ROCK1: variants seen among roughly 807,000 people sequenced by gnomAD.
The protein encoded by ROCK1 is Rho associated coiled-coil containing protein kinase 1, also known as rho-associated protein kinase 1.
Under a neutral mutation model 196.8 loss-of-function variants are expected in ROCK1, and 36 were observed. The observed-to-expected ratio is 0.18, with a 90% confidence interval of 0.14 to 0.24. ROCK1 has a LOEUF of 0.24. ROCK1 is among the 10% of genes least tolerant of loss of function. The pLI, the probability that ROCK1 is intolerant of heterozygous loss-of-function variation, is 1.00. For missense variants in ROCK1, 920 were observed against 1,562.0 expected, an observed-to-expected ratio of 0.59 and a Z score of 6.93; for synonymous variants, 443 against 515.9, an observed-to-expected ratio of 0.86 and a Z score of 1.91.
At chr18:21,013,904 A>AT (rs1337297854) in intron 13 of ROCK1, among the ~76,000 whole-genome samples, 3 of 151,996 alleles carry the variant, frequency 2.0e-5, no homozygotes, top group South Asian at 2.1e-4. Context: ...TACTAAAAAA[A>AT]ATATATAAAA....
Position 21,009,334 on chromosome 18 carries a change from TAACTC to T in ROCK1, c.1411-1145_1411-1141del, listed in dbSNP as rs566471741. Among the ~76,000 whole-genome samples the T allele has an allele frequency of 3.7e-3, 565 of 151,668 alleles. 1 individual carries two copies. Among genetic ancestry groups the T allele is most frequent in the Non-Finnish European group, 6.4e-3 (435 of 67,866 alleles). On this transcript the variant is annotated intron_variant, in intron 13 of 32. Transcript: ENST00000399799. Reference sequence around the variant, plus strand: ...GGCCAAGACAGGTTTTTTTTTTTTTTAACTCAACATAAAGACCTTAAAATCCATCT... The same window carrying T: ...GGCCAAGACAGGTTTTTTTTTTTTTTAACATAAAGACCTTAAAATCCATCT...
rs71269004 is a variant in ROCK1 at position 21,033,854 on chromosome 18, T to TAAAAAAAAAAA, written c.1052-4930_1052-4920dup. On this transcript the variant is annotated intron_variant, in intron 9 of 32. Transcript: ENST00000399799. ...TAACTCAGTGAAACCCCGTTTCTAC[T>TAAAAAAAAAAA]AAAAAAAAAAAAAAAAAAAAAAAAA... Among the ~76,000 whole-genome samples the TAAAAAAAAAAA allele has an allele frequency of 1.2e-3, 39 of 33,460 alleles. 4 individuals carry two copies. Among genetic ancestry groups the TAAAAAAAAAAA allele is most frequent in the Admixed American group, 1.8e-3 (3 of 1,656 alleles). 22.0% of individuals were successfully genotyped at this position (33,460 alleles called of 152,430 possible).
intron 1 of ROCK1, among the ~76,000 whole-genome samples, chr18:21,107,912 G>A (rs2036717096): frequency 6.6e-6 from 1 of 152,068 alleles, no homozygotes; most frequent in Non-Finnish European, 1.5e-5. Context: ...AAATTAGCCA[G>A]GCGTGGTAGT....
At chr18:20,997,073 A>G (rs1249302348) in intron 16 of ROCK1, among the ~76,000 whole-genome samples, 17 of 152,228 alleles carry the variant, frequency 1.1e-4, no homozygotes, top group Admixed American at 1.1e-3. Flanking sequence ...AAAAAATAAC[A>G]AAATGGCAGG....
intron 1 of ROCK1, among the ~76,000 whole-genome samples, chr18:21,101,840 A>G (rs2036661655): frequency 6.6e-6 from 1 of 152,056 alleles, no homozygotes; most frequent in Non-Finnish European, 1.5e-5. Flanking sequence ...GCTAGGCATG[A>G]TAATGGCCAT....
chr18:21,104,490 A>G (rs1204912277), intron 1 of ROCK1, among the ~76,000 whole-genome samples: 18 of 152,114 alleles, frequency 1.2e-4, no homozygotes, highest in Non-Finnish European at 1.8e-4. Context: ...CCAGCTACTC[A>G]GGAGGCTGAG....
rs1178629863 is a variant in ROCK1, at chr18:20,950,569, AAGAAATACATTATACAATTAT to A, written c.*794_*814del. 6.6e-6 allele frequency: 1 copy of A among 151,838 alleles called. No individual in the cohort carries two copies. The highest frequency in any genetic ancestry group is 2.4e-5 in the African/African-American group (1 of 41,214). 9.4% of individuals were successfully genotyped at this position (151,838 alleles called of 1,614,324 possible). A position where few individuals can be genotyped will look rare whatever the true frequency, so the allele number is the denominator to read the frequency against. ...AATGTCTTTATCATTTAAAACCACA[AAGAAATACATTATACAATTAT>A]AGAAATGATGTACCCCACAAAATGC... On this transcript the variant is annotated 3_prime_UTR_variant, in exon 33 of 33. Coordinates refer to ENST00000399799, the MANE Select transcript of ROCK1 (RefSeq NM_005406.3).
At chr18:21,012,550 T>C (rs1407122607) in intron 13 of ROCK1, among the ~76,000 whole-genome samples, 1 of 152,176 alleles carries the variant, frequency 6.6e-6, no homozygotes, top group East Asian at 1.9e-4. Context: ...GTGTGTCCTG[T>C]ATTTAAGATT....
intron 5 of ROCK1, 58 bp downstream of exon 5, chr18:21,045,234 G>A (rs1333622096): frequency 7.0e-7 from 1 of 1,433,042 alleles, no homozygotes; most frequent in Non-Finnish European, 9.4e-7. Context: ...AAATGTTAAA[G>A]TTATTTTTAG....
intron 2 of ROCK1, among the ~76,000 whole-genome samples, chr18:21,064,823 T>G (rs1316067725): frequency 6.6e-6 from 1 of 152,228 alleles, no homozygotes; most frequent in East Asian, 1.9e-4. Context: ...GCTGCAACCT[T>G]CTAATATTTA....
intron 4 of ROCK1, among the ~76,000 whole-genome samples, chr18:21,047,789 C>G (rs906416170): frequency 6.7e-6 from 1 of 150,072 alleles, no homozygotes; most frequent in African/African-American, 2.5e-5. Flanking sequence ...CAGAGCGAGA[C>G]TCCGTCTCAA....
intron 25 of ROCK1, among the ~76,000 whole-genome samples, 195 bp from the exon 26 acceptor site, chr18:20,968,135 C>G (rs1254806161): frequency 6.6e-6 from 1 of 152,080 alleles, no homozygotes; most frequent in Non-Finnish European, 1.5e-5. Flanking sequence ...AATGTAAGAA[C>G]CAGGAGCCTT....
chr18:20,980,041 G>C, intron 21 of ROCK1, 37 bp from the exon 22 acceptor site: 10 of 1,479,622 alleles, frequency 6.8e-6, no homozygotes, highest in Non-Finnish European at 8.9e-6. Flanking sequence ...AAGTGTTTAT[G>C]GTGGGTTAAA....
In ROCK1 at chr18:20,950,466, T is replaced by C. The variant is rs1299637834; in HGVS notation, c.*918A>G. On this transcript the variant is annotated 3_prime_UTR_variant, in exon 33 of 33. Transcript: ENST00000399799. ...TCAAATTAAGGCACTAAAAGGACAA[T>C]GCAACCCCCATTGAAAGTGTTCTAA... 6.6e-6 allele frequency: 1 copy of C among 152,340 alleles called. No homozygotes were observed. The highest frequency in any genetic ancestry group is 2.4e-5 in the African/African-American group (1 of 41,334). 9.4% of individuals were successfully genotyped at this position (152,340 alleles called of 1,614,324 possible).
chr18:21,037,967 G>T (rs922402400), intron 9 of ROCK1, among the ~76,000 whole-genome samples: 2 of 152,096 alleles, frequency 1.3e-5, no homozygotes, highest in Non-Finnish European at 2.9e-5. Flanking sequence ...TTTTGCGGTT[G>T]ATTTATTGTG....
At chr18:21,069,019 G>A (rs1002578621) in intron 2 of ROCK1, among the ~76,000 whole-genome samples, 2 of 152,064 alleles carry the variant, frequency 1.3e-5, no homozygotes, top group African/African-American at 4.8e-5. Context: ...GGTAAGAGAG[G>A]ACAGATTTGC....
chr18:21,042,312 T>G, intron 7 of ROCK1, 77 bp from the exon 8 acceptor site: 1 of 1,306,542 alleles, frequency 7.7e-7, no homozygotes, highest in Non-Finnish European at 1.0e-6. Context: ...AGAGTCAAAG[T>G]TACCCGTTTA....
intron 12 of ROCK1, among the ~76,000 whole-genome samples, chr18:21,017,291 A>G (rs951411140): frequency 1.4e-5 from 2 of 143,070 alleles, no homozygotes; most frequent in Non-Finnish European, 3.0e-5. Context: ...TCCCGGGTTC[A>G]TGCCATTCTC....
chr18:21,014,191 A>C (rs1378805906), intron 13 of ROCK1, among the ~76,000 whole-genome samples: 1 of 152,036 alleles, frequency 6.6e-6, no homozygotes. Flanking sequence ...AGGCTAAGGA[A>C]ATTAGCTTTT....
Sources: allele counts gnomAD v4.1 joint callset (sites outside exome capture counted in the v4.1 genomes callset), GRCh38; gene constraint gnomAD v4.1.1; transcripts MANE v1.5; gene names NCBI Gene and HGNC (gene_info 2026-07-23, HGNC 2026-07-21).